The following SHANK2 variants were observed in gnomAD, a reference collection of about 807,000 sequenced individuals.
The protein encoded by SHANK2 is SH3 and multiple ankyrin repeat domains 2.
A neutral mutation model predicts 133.7 loss-of-function variants in SHANK2; 43 were observed. The ratio of observed to expected loss-of-function variants is 0.32; its 90% CI spans 0.25 to 0.41. The LOEUF is 0.41. SHANK2 is among the 10% of genes least tolerant of loss of function. The pLI is 1.00. For synonymous variants in SHANK2, 1,017 were observed against 952.8 expected, an observed-to-expected ratio of 1.07 and a Z score of -1.24; for missense variants, 1,994 against 2,235.8, an observed-to-expected ratio of 0.89 and a Z score of 2.18.
At chr11:71,076,559 C>T (rs911645434) in intron 8 of SHANK2, among the ~76,000 whole-genome samples, 38 of 151,776 alleles carry the variant, frequency 2.5e-4, no homozygotes, top group Middle Eastern at 3.4e-3. Flanking sequence ...CACACACACA[C>T]GAGAAATTTC....
intron 14 of SHANK2, among the ~76,000 whole-genome samples, chr11:70,780,258 A>T (rs1947452757): frequency 6.6e-6 from 1 of 152,110 alleles, no homozygotes; most frequent in South Asian, 2.1e-4. Context: ...CCAATTTAAA[A>T]AGCAATAATG....
intron 17 of SHANK2, among the ~76,000 whole-genome samples, chr11:70,579,011 G>A (rs1168452334): frequency 2.6e-5 from 4 of 152,182 alleles, no homozygotes; most frequent in East Asian, 3.9e-4. Flanking sequence ...ATAAAGGGAC[G>A]TGGGAACCTG....
intron 17 of SHANK2, chr11:70,604,650 G>A (rs915328252): frequency 2.0e-5 from 3 of 152,288 alleles, no homozygotes; most frequent in East Asian, 1.9e-4. Context: ...TACATGATGC[G>A]TTGATATACT....
chr11:70,553,374 T>C (rs536114474), intron 17 of SHANK2, among the ~76,000 whole-genome samples: 2 of 152,314 alleles, frequency 1.3e-5, no homozygotes, highest in African/African-American at 4.8e-5. Context: ...ATTACAGGCG[T>C]GAGCCACCGT....
intron 2 of SHANK2, 25 bp from the exon 3 acceptor site, chr11:71,147,363 A>G: frequency 2.0e-6 from 3 of 1,528,916 alleles, no homozygotes; most frequent in Non-Finnish European, 2.6e-6. Context: ...GAAGGAAGAC[A>G]AAGAACGGGA....
intron 3 of SHANK2, among the ~76,000 whole-genome samples, chr11:71,127,670 T>C (rs1311454591): frequency 1.3e-5 from 2 of 152,240 alleles, no homozygotes; most frequent in Admixed American, 6.5e-5. Context: ...TTTTTAGACA[T>C]GATGCTATTA....
At chr11:70,679,181 G>A (rs999963274) in intron 15 of SHANK2, among the ~76,000 whole-genome samples, 4 of 152,226 alleles carry the variant, frequency 2.6e-5, no homozygotes, top group Non-Finnish European at 5.9e-5. Flanking sequence ...CCCATGGGGA[G>A]CCCCTGCCCT....
chr11:70,644,663 A>G (rs575236186), intron 17 of SHANK2, among the ~76,000 whole-genome samples: 3 of 152,208 alleles, frequency 2.0e-5, no homozygotes, highest in Non-Finnish European at 2.9e-5. Context: ...CCCAGAGACA[A>G]TGCAGATCTC....
chr11:70,733,048 C>T (rs909754352), intron 14 of SHANK2, among the ~76,000 whole-genome samples: 3 of 152,164 alleles, frequency 2.0e-5, no homozygotes, highest in Admixed American at 6.5e-5. Context: ...ACAGGCTGGG[C>T]GGGGTGGGAG....
rs1357854760 is a variant in SHANK2, at chr11:70,487,527, A to G, written c.2766T>C (p.Pro922=). The G allele has an allele frequency of 1.9e-6, 3 of 1,613,316 alleles. No homozygotes were observed. Among genetic ancestry groups the G allele is most frequent in the Non-Finnish European group, 1.7e-6 (2 of 1,179,890 alleles). Residue 922 remains proline, a synonymous_variant, in exon 25 of 26, where the codon CCT becomes CCC. Transcript: ENST00000601538. The surrounding 1 kb of genome is among the most constrained non-coding windows in gnomAD (Gnocchi z 5.8). The part of the protein sequence containing the change: ...PTPRVYGTIK[P]AFNQNSAAKV... ...TGGCGGCAGAATTCTGATTGAACGC[A>G]GGCTTAATCGTCCCGTAGACTCTTG...
chr11:71,112,024 G>A (rs979438957), intron 5 of SHANK2, among the ~76,000 whole-genome samples: 2 of 152,178 alleles, frequency 1.3e-5, no homozygotes, highest in East Asian at 1.9e-4. Flanking sequence ...CACAGGAAGG[G>A]CAACTGCCGC....
At chr11:70,934,083 T>C (rs1345473308) in intron 10 of SHANK2, among the ~76,000 whole-genome samples, 5 of 151,088 alleles carry the variant, frequency 3.3e-5, no homozygotes, top group Admixed American at 2.6e-4. Flanking sequence ...ATCAAAAGAA[T>C]TAGTGGTGTG....
rs782641229 is a variant in SHANK2 at position 70,492,332 on chromosome 11, C to T, written c.2439+3G>A. On this transcript the variant is annotated splice_donor_region_variant and intron_variant, in intron 22 of 25. Coordinates refer to ENST00000601538, the MANE Select transcript of SHANK2 (RefSeq NM_012309.5). ...CTCGTGGTCCCAAGGTACGGCCACTCACGTTCATGTCTGAGCCCGCCGGGA... is the reference window on the plus strand; with the variant it reads ...CTCGTGGTCCCAAGGTACGGCCACTTACGTTCATGTCTGAGCCCGCCGGGA... The T allele has an allele frequency of 1.2e-6, 2 of 1,610,420 alleles. No individual in the cohort carries two copies. Among genetic ancestry groups the T allele is most frequent in the African/African-American group, 1.3e-5 (1 of 75,072 alleles).
chr11:70,485,490 G>A lies in SHANK2; in HGVS notation c.4803C>T (p.Thr1601=). The change falls in exon 25 of 26, where the codon ACC becomes ACT. Residue 1601 remains threonine (T), a synonymous_variant. Transcript: ENST00000601538. The surrounding 1 kb of genome is among the most constrained non-coding windows in gnomAD (Gnocchi z 5.8). ...CTGTGACGTCGCCCCACAACTTGGA[G>A]GTCCTTGGCTGGAGAACCTTGGCCA... ...PGMAKVLQPR[T]SKLWGDVTEI... The A allele has an allele frequency of 6.2e-7, 1 of 1,613,882 alleles. No individual in the cohort carries two copies.
At chr11:70,523,757 A>G (rs1554971560) in intron 17 of SHANK2, among the ~76,000 whole-genome samples, 1 of 152,152 alleles carries the variant, frequency 6.6e-6, no homozygotes, top group African/African-American at 2.4e-5. Context: ...TTCTCAGTCC[A>G]CTATCTTGTT....
intron 17 of SHANK2, among the ~76,000 whole-genome samples, chr11:70,544,523 C>A (rs559892957): frequency 1.4e-4 from 22 of 152,306 alleles, no homozygotes; most frequent in African/African-American, 5.1e-4. Context: ...TATGGTTCAC[C>A]AGGGCCCAAA....
chr11:70,636,673 G>C (rs1436798321), intron 17 of SHANK2, among the ~76,000 whole-genome samples: 2 of 143,458 alleles, frequency 1.4e-5, no homozygotes, highest in Admixed American at 7.1e-5. Flanking sequence ...GTGAGCACGT[G>C]TGAGCATCTG....
chr11:70,641,898 T>C (rs1341584969), intron 17 of SHANK2, among the ~76,000 whole-genome samples: 1 of 152,190 alleles, frequency 6.6e-6, no homozygotes, highest in African/African-American at 2.4e-5. Context: ...TGCCCCAGCT[T>C]GCAGCTGTGC....
chr11:70,756,722 C>T (rs1486954364), intron 14 of SHANK2, among the ~76,000 whole-genome samples: 1 of 152,152 alleles, frequency 6.6e-6, no homozygotes, highest in Admixed American at 6.5e-5. Context: ...CCAGGCAGCC[C>T]CACACCCCTA....
Sources: allele counts gnomAD v4.1 joint callset (sites outside exome capture counted in the v4.1 genomes callset), GRCh38; gene constraint gnomAD v4.1.1; non-coding constraint Gnocchi (gnomAD v3.1); transcripts MANE v1.5; gene names NCBI Gene and HGNC (gene_info 2026-07-23, HGNC 2026-07-21).